The following KCNIP4 variants were observed in gnomAD, a reference collection of about 807,000 sequenced individuals.
The protein encoded by KCNIP4 is Kv channel-interacting protein 4.
KCNIP4 carries 12 observed loss-of-function variants against 34.0 expected under a neutral mutation model. The ratio of observed to expected loss-of-function variants is 0.35; its 90% CI spans 0.23 to 0.57. KCNIP4 has a LOEUF of 0.57. KCNIP4 is among the 20% of genes least tolerant of loss of function. The probability of loss-of-function intolerance (pLI) is 0.83; values close to 1 mark genes in which losing one functional copy is unlikely to be tolerated. For synonymous variants in KCNIP4, 124 were observed against 102.2 expected, an observed-to-expected ratio of 1.21 and a Z score of -1.29; for missense variants, 238 against 311.7, an observed-to-expected ratio of 0.76 and a Z score of 1.78.
At chr4:21,255,996 G>A (rs1462646670) in intron 1 of KCNIP4, among the ~76,000 whole-genome samples, 1 of 152,030 alleles carries the variant, frequency 6.6e-6, no homozygotes, top group Non-Finnish European at 1.5e-5. Flanking sequence ...TTACATTTTA[G>A]TGACAAGAAC....
chr4:21,032,910 C>T (rs994583167), intron 1 of KCNIP4, among the ~76,000 whole-genome samples: 4 of 152,074 alleles, frequency 2.6e-5, no homozygotes, highest in Admixed American at 2.6e-4. Context: ...AGAGACTCAC[C>T]TCCCTACCTG....
chr4:21,804,314 T>G (rs1435733001), intron 1 of KCNIP4, among the ~76,000 whole-genome samples: 1 of 152,258 alleles, frequency 6.6e-6, no homozygotes, highest in Non-Finnish European at 1.5e-5. Flanking sequence ...TGATCAGACA[T>G]GATTATAGAG....
rs190033676 is a variant in KCNIP4, at chr4:21,744,820, A to G, written c.61+203751T>C. 3.2e-4 allele frequency among the ~76,000 whole-genome samples: 49 copies of G among 152,338 alleles called. No individual in the cohort carries two copies. The East Asian group carries it at 9.3e-3, about 29-fold the overall frequency. On this transcript the variant is annotated intron_variant, in intron 1 of 8. Coordinates refer to ENST00000382152, the MANE Select transcript of KCNIP4 (RefSeq NM_025221.6). Reference sequence around the variant, plus strand: ...GTAAGTCAATATATTTTGCTACAAAAAAACTAAAAACAAAACACGTTCCTC... The same window carrying G: ...GTAAGTCAATATATTTTGCTACAAAGAAACTAAAAACAAAACACGTTCCTC...
intron 1 of KCNIP4, among the ~76,000 whole-genome samples, chr4:21,180,785 T>C (rs1754784657): frequency 6.6e-6 from 1 of 151,402 alleles, no homozygotes; most frequent in Non-Finnish European, 1.5e-5. Flanking sequence ...TATATATTTG[T>C]ATATACATAC....
intron 1 of KCNIP4, among the ~76,000 whole-genome samples, chr4:21,732,278 G>T (rs1715663582): frequency 6.6e-6 from 1 of 151,980 alleles, no homozygotes; most frequent in African/African-American, 2.4e-5. Context: ...AGGATGAAAT[G>T]ATATATAATT....
chr4:21,016,573 G>C (rs146661769), intron 1 of KCNIP4, among the ~76,000 whole-genome samples: 1 of 152,168 alleles, frequency 6.6e-6, no homozygotes, highest in East Asian at 1.9e-4. Flanking sequence ...GGGATTACAG[G>C]CGTGAGACAC....
intron 1 of KCNIP4, among the ~76,000 whole-genome samples, chr4:21,919,512 T>C (rs1308143456): frequency 6.6e-6 from 1 of 152,166 alleles, no homozygotes; most frequent in Non-Finnish European, 1.5e-5. Flanking sequence ...CATTCAGCAT[T>C]AGTAGCCTAC....
chr4:21,879,184 A>C (rs1158847075), intron 1 of KCNIP4, among the ~76,000 whole-genome samples: 1 of 152,176 alleles, frequency 6.6e-6, no homozygotes, highest in Non-Finnish European at 1.5e-5. Context: ...TTTTTAAAAA[A>C]ATTGCACACC....
chr4:21,933,925 C>G (rs1729711686), intron 1 of KCNIP4, among the ~76,000 whole-genome samples: 1 of 152,096 alleles, frequency 6.6e-6, no homozygotes, highest in African/African-American at 2.4e-5. Context: ...TGTCTTTACT[C>G]TGGGTTGGCA....
intron 1 of KCNIP4, among the ~76,000 whole-genome samples, chr4:21,439,948 C>A (rs1420020629): frequency 6.6e-6 from 1 of 152,194 alleles, no homozygotes; most frequent in Middle Eastern, 3.2e-3. Context: ...ACTTTATAAG[C>A]AAATTTCTGT....
At chr4:21,402,929 A>G (rs1016844164) in intron 1 of KCNIP4, among the ~76,000 whole-genome samples, 8 of 151,962 alleles carry the variant, frequency 5.3e-5, no homozygotes, top group Middle Eastern at 3.4e-3. Context: ...GAGATGTCCT[A>G]TGTTCTTTAT....
intron 1 of KCNIP4, among the ~76,000 whole-genome samples, chr4:21,472,447 G>A (rs1413348725): frequency 6.6e-6 from 1 of 152,100 alleles, no homozygotes; most frequent in African/African-American, 2.4e-5. Flanking sequence ...GTGTGTGTGG[G>A]GGGGTTAATA....
At chr4:21,297,804 C>T (rs1204253324) in intron 1 of KCNIP4, among the ~76,000 whole-genome samples, 1 of 151,124 alleles carries the variant, frequency 6.6e-6, no homozygotes, top group Admixed American at 6.6e-5. Context: ...CTACATAGAG[C>T]TAGAAGCAAA....
intron 1 of KCNIP4, among the ~76,000 whole-genome samples, chr4:21,146,547 T>G (rs1266976125): frequency 6.6e-6 from 1 of 152,226 alleles, no homozygotes; most frequent in Non-Finnish European, 1.5e-5. Context: ...CTGCTGTACT[T>G]CTAAAGTGAT....
chr4:20,847,565 G>C (rs1256158079), intron 3 of KCNIP4, among the ~76,000 whole-genome samples: 3 of 152,058 alleles, frequency 2.0e-5, no homozygotes, highest in Non-Finnish European at 4.4e-5. Context: ...CTCAGAATCT[G>C]GCAAGAGACC....
intron 1 of KCNIP4, among the ~76,000 whole-genome samples, chr4:21,916,012 C>T (rs1307150944): frequency 6.6e-6 from 1 of 152,204 alleles, no homozygotes; most frequent in African/African-American, 2.4e-5. Context: ...CCCAGCCACA[C>T]AGCTTTTCGT....
rs397992488 is a variant in KCNIP4, at chr4:20,937,222, C to CTT, written c.62-54515_62-54514dup. Among the ~76,000 whole-genome samples the CTT allele has an allele frequency of 2.5e-3, 113 of 45,532 alleles. 15 individuals carry two copies. Among genetic ancestry groups the CTT allele is most frequent in the Middle Eastern group, 0.02 (1 of 50 alleles). The allele number at this position is 45,532 out of a possible 152,430, so 29.9% of individuals were successfully genotyped here. ...TGAGCAAAAGGTGCCCCCAAGGAGTCTTTTTTTTTTTTTTTTTTTTTTTTT... is the reference window on the plus strand; with the variant it reads ...TGAGCAAAAGGTGCCCCCAAGGAGTCTTTTTTTTTTTTTTTTTTTTTTTTTTT... On this transcript the variant is annotated intron_variant, in intron 1 of 8. Coordinates refer to ENST00000382152, the MANE Select transcript of KCNIP4 (RefSeq NM_025221.6).
intron 1 of KCNIP4, among the ~76,000 whole-genome samples, chr4:21,672,818 T>C (rs1749606134): frequency 6.6e-6 from 1 of 152,134 alleles, no homozygotes; most frequent in South Asian, 2.1e-4. Context: ...TGCTCATGAG[T>C]TTGTAGTCAA....
chr4:21,038,633 C>T (rs1741673742), intron 1 of KCNIP4, among the ~76,000 whole-genome samples: 1 of 152,148 alleles, frequency 6.6e-6, no homozygotes, highest in Admixed American at 6.5e-5. Context: ...TTCTAGCAAG[C>T]ATTTGGAGGA....
Sources: gnomAD v4.1 joint callset for allele counts (sites outside exome capture counted in the v4.1 genomes callset) on GRCh38, gnomAD v4.1.1 for gene constraint, MANE v1.5 for transcripts, NCBI Gene and HGNC (gene_info 2026-07-23, HGNC 2026-07-21) for gene names.